Variants in SYMPK observed in about 807,000 individuals in gnomAD.
The protein encoded by SYMPK is symplekin.
Under a neutral mutation model 136.4 loss-of-function variants are expected in SYMPK, and 49 were observed. The ratio of observed to expected loss-of-function variants is 0.36; its 90% CI spans 0.29 to 0.46. SYMPK has a LOEUF of 0.46. Among genes scored for constraint, SYMPK ranks in the 20% least tolerant of loss-of-function variants. SYMPK has a pLI of 1.00. For missense variants in SYMPK, 1,365 were observed against 1,690.0 expected (o/e 0.81, Z 3.37); for synonymous variants, 766 against 713.0 (o/e 1.07, Z -1.19).
rs531701097 is a variant in SYMPK, at chr19:45,821,197, G to A, written c.2893+187C>T. On this transcript the variant is annotated intron_variant, in intron 22 of 26. Coordinates refer to ENST00000245934, the MANE Select transcript of SYMPK (RefSeq NM_004819.3). This position sits in a 1 kb window ranked among gnomAD's most constrained non-coding sequence, Gnocchi z 4.4. Reference sequence around the variant, plus strand: ...CTGGGAGGAAGGAAGGAGGAGGGAGGGAGGGAGGGAGGGAAGAGGAGGCAA... The same window carrying A: ...CTGGGAGGAAGGAAGGAGGAGGGAGAGAGGGAGGGAGGGAAGAGGAGGCAA... The A allele has an allele frequency of 4.0e-5, 28 of 693,518 alleles. No homozygotes were observed. The highest frequency in any genetic ancestry group is 6.5e-5 in the Non-Finnish European group (25 of 382,010). 43.0% of individuals were successfully genotyped at this position (693,518 alleles called of 1,614,324 possible).
chr19:45,821,193 G>A lies in SYMPK; in HGVS notation c.2893+191C>T, dbSNP rs1247889335. The A allele has an allele frequency of 1.4e-6, 1 of 690,840 alleles. No homozygotes were observed. The highest frequency in any genetic ancestry group is 2.6e-6 in the Non-Finnish European group (1 of 381,022). 42.8% of individuals were successfully genotyped at this position (690,840 alleles called of 1,614,324 possible). A position where few individuals can be genotyped will look rare whatever the true frequency, so the allele number is the denominator to read the frequency against. On this transcript the variant is annotated intron_variant, in intron 22 of 26. Transcript: ENST00000245934. The surrounding 1 kb of genome is among the most constrained non-coding windows in gnomAD (Gnocchi z 4.4). Reference sequence around the variant, plus strand: ...AAACCTGGGAGGAAGGAAGGAGGAGGGAGGGAGGGAGGGAGGGAAGAGGAG... The same window carrying A: ...AAACCTGGGAGGAAGGAAGGAGGAGAGAGGGAGGGAGGGAGGGAAGAGGAG...
At chr19:45,853,345 C>T (rs886329721) in intron 3 of SYMPK, among the ~76,000 whole-genome samples, 2 of 152,222 alleles carry the variant, frequency 1.3e-5, no homozygotes, top group African/African-American at 4.8e-5. Context: ...TTGACATGCT[C>T]TCCCTCTCTT....
chr19:45,831,250 T>G, intron 12 of SYMPK, 134 bp downstream of exon 12: 1 of 582,124 alleles, frequency 1.7e-6, no homozygotes, highest in Admixed American at 3.9e-5. Context: ...AGAGAGAACC[T>G]ATTCCAGACT....
chr19:45,851,189 G>A (rs1971688510), intron 5 of SYMPK, among the ~76,000 whole-genome samples: 1 of 152,164 alleles, frequency 6.6e-6, no homozygotes, highest in East Asian at 1.9e-4. Flanking sequence ...GAGTGGAAGC[G>A]GGAAATGAGT....
intron 10 of SYMPK, 150 bp from the exon 11 acceptor site, chr19:45,835,378 G>A: frequency 2.9e-6 from 2 of 696,654 alleles, no homozygotes; most frequent in Non-Finnish European, 4.4e-6. Context: ...AAGTCACAGA[G>A]AAAACAAATA....
At position 45,844,138 on chromosome 19, in the gene SYMPK, C is replaced by T; in HGVS notation, c.739G>A (p.Ala247Thr). Residue 247 changes from alanine (A) to threonine (T), a missense_variant, in exon 8 of 27, where the codon GCC (alanine) becomes ACC (threonine). Physicochemically the swap from Ala to Thr is moderately conservative, Grantham distance 58. This residue lies in a region of SYMPK where 237 missense variants were observed against 292.9 expected (regional missense o/e 0.81). Transcript: ENST00000245934. ...GTGGTCAGGTTGATGGAGGAGATGG[C>T]AGGGTGCACCATGAACTTAAGCAGC... ...EQLLKFMVHP[A>T]ISSINLTTAL... 1 of 1,612,214 alleles carries T rather than the reference C, an allele frequency of 6.2e-7. No individual in the cohort carries two copies. The highest frequency in any genetic ancestry group is 2.2e-5 in the East Asian group (1 of 44,760).
Position 45,849,902 on chromosome 19 carries a change from G to A in SYMPK, c.300-1026C>T, listed in dbSNP as rs141134250. Among the ~76,000 whole-genome samples, 511 of 151,964 alleles carry A rather than the reference G, an allele frequency of 3.4e-3. 4 individuals carry two copies. The highest frequency in any genetic ancestry group is 0.011 in the African/African-American group (457 of 41,424). On this transcript the variant is annotated intron_variant, in intron 5 of 26. Transcript: ENST00000245934. ...CTCTACTAAAAATACAAAATTGGCC[G>A]GGCATGGTGGCGGGCACCTGTAACT...
chr19:45,854,605 C>G, intron 1 of SYMPK, 98 bp from the exon 2 acceptor site: 1 of 935,510 alleles, frequency 1.1e-6, no homozygotes, highest in Non-Finnish European at 1.6e-6. Flanking sequence ...GCCCAAGCCT[C>G]CTTCCCAGGC....
At position 45,821,043 on chromosome 19, in the gene SYMPK, C is replaced by G; in HGVS notation, c.2893+341G>C. On this transcript the variant is annotated intron_variant, in intron 22 of 26. Coordinates refer to ENST00000245934, the MANE Select transcript of SYMPK (RefSeq NM_004819.3). This position sits in a 1 kb window ranked among gnomAD's most constrained non-coding sequence, Gnocchi z 4.4. ...CCTGCTGCTGCGCCTCTACCACTCA[C>G]GGTGTGCCCTGCTTCCTTCTGTTCC... 1.6e-6 allele frequency: 1 copy of G among 614,878 alleles called. No individual in the cohort carries two copies. 38.1% of individuals were successfully genotyped at this position (614,878 alleles called of 1,614,324 possible).
chr19:45,816,362 C>T (rs994063846), intron 25 of SYMPK, 120 bp downstream of exon 25: 4 of 1,373,938 alleles, frequency 2.9e-6, no homozygotes, highest in Admixed American at 5.3e-5. Flanking sequence ...AGACGGGTGG[C>T]CCAGAGGCAG....
At chr19:45,855,760 C>T (rs1440210595) in intron 1 of SYMPK, 2 of 152,060 alleles carry the variant, frequency 1.3e-5, no homozygotes, top group Admixed American at 1.3e-4. Context: ...CTTTGGGAGG[C>T]TGAGGCAGGC....
chr19:45,824,158 T>C (rs1461616053), intron 18 of SYMPK: 2 of 372,608 alleles, frequency 5.4e-6, no homozygotes, highest in Middle Eastern at 8.0e-4. Flanking sequence ...TGACCTCGAA[T>C]GCCCACCCTG....
In SYMPK at chr19:45,835,202, G is replaced by A. The variant is rs776955980; in HGVS notation, c.1269C>T (p.Pro423=). The A allele has an allele frequency of 4.3e-6, 7 of 1,609,680 alleles. No individual in the cohort carries two copies. In the South Asian group the frequency reaches 4.4e-5, roughly 10 times the overall value. Residue 423 remains proline (P), a synonymous_variant, in exon 11 of 27, where the codon CCC becomes CCT. Transcript: ENST00000245934. ...NLVLISMVYL[P]EAMPASFQAI... is the part of the protein sequence containing the mutation. ...CCTGGAAGGAGGCTGGCATGGCCTC[G>A]GGTAGGTACACCATGCTGATGAGGA...
intron 18 of SYMPK, 134 bp from the exon 19 acceptor site, chr19:45,824,009 G>T: frequency 2.0e-6 from 1 of 508,822 alleles, no homozygotes; most frequent in Non-Finnish European, 3.6e-6. Flanking sequence ...GGAGGGCGGG[G>T]GAAAGGTGGG....
At chr19:45,831,644 C>A in intron 11 of SYMPK, 56 bp from the exon 12 acceptor site, 1 of 1,442,242 alleles carries the variant, frequency 6.9e-7, no homozygotes, top group South Asian at 1.4e-5. Flanking sequence ...TGCTCCAACC[C>A]GAGGACCTCC....
chr19:45,838,667 C>G, intron 9 of SYMPK, 52 bp from the exon 10 acceptor site: 1 of 1,571,828 alleles, frequency 6.4e-7, no homozygotes, highest in Non-Finnish European at 8.7e-7. Context: ...GCTGCAGGCC[C>G]TCCATCCTTC....
intron 5 of SYMPK, 152 bp from the exon 6 acceptor site, chr19:45,849,028 A>C (rs550349646): frequency 1.2e-6 from 1 of 860,202 alleles, no homozygotes; most frequent in South Asian, 1.6e-5. Context: ...TGGTGCCTCC[A>C]GACTGAGCCG....
At chr19:45,852,136 A>T (rs985328752) in intron 5 of SYMPK, among the ~76,000 whole-genome samples, 176 bp downstream of exon 5, 3 of 152,214 alleles carry the variant, frequency 2.0e-5, no homozygotes, top group Non-Finnish European at 4.4e-5. Flanking sequence ...GGAATCACAG[A>T]TGACCCCAGG....
rs745764684 is a variant in SYMPK at position 45,816,233 on chromosome 19, G to GA, written c.3355-51dup. On this transcript the variant is annotated intron_variant, in intron 25 of 26. Transcript: ENST00000245934. ...AAGCTCAGAGGTGGGTGGCTCAGAGGACGGCCGGAAAGAGAAGGAACCACC... is the reference window on the plus strand; with the variant it reads ...AAGCTCAGAGGTGGGTGGCTCAGAGGAACGGCCGGAAAGAGAAGGAACCACC... The GA allele has an allele frequency of 5.2e-6, 7 of 1,348,558 alleles. No individual in the cohort carries two copies. The South Asian group carries it at 1.0e-4, about 20-fold the overall frequency. 83.5% of individuals were successfully genotyped at this position (1,348,558 alleles called of 1,614,324 possible).
Sources: gnomAD v4.1 joint callset for allele counts (sites outside exome capture counted in the v4.1 genomes callset) on GRCh38, gnomAD v4.1.1 for gene constraint, gnomAD v4.1.1 regional missense constraint, Gnocchi (gnomAD v3.1) non-coding constraint, MANE v1.5 for transcripts, NCBI Gene and HGNC (gene_info 2026-07-23, HGNC 2026-07-21) for gene names.